The following MTMR10 variants were observed in gnomAD, a reference collection of about 807,000 sequenced individuals.
The protein encoded by MTMR10 is myotubularin related protein 10, also known as myotubularin-related protein 10.
MTMR10 carries 56 observed loss-of-function variants against 88.1 expected under a neutral mutation model. The ratio of observed to expected loss-of-function variants is 0.64; its 90% CI spans 0.51 to 0.79. MTMR10 has a LOEUF of 0.79. Ranked by LOEUF, MTMR10 falls within the 30% of genes least tolerant of loss-of-function variation. The pLI is 0.00. For synonymous variants in MTMR10, 380 were observed against 340.9 expected (o/e 1.11, Z -1.26); for missense variants, 883 against 924.7 (o/e 0.95, Z 0.58).
At chr15:30,987,964 G>A (rs1004250865) in intron 2 of MTMR10, among the ~76,000 whole-genome samples, 1 of 149,942 alleles carries the variant, frequency 6.7e-6, no homozygotes, top group Non-Finnish European at 1.5e-5. Flanking sequence ...TATAGCCACA[G>A]GTGATGTGGC....
At position 30,968,532 on chromosome 15, in the gene MTMR10, A is replaced by C. The variant is rs2063498322; in HGVS notation, c.475-522T>G. Among the ~76,000 whole-genome samples, 3 of 90,968 alleles carry C rather than the reference A, an allele frequency of 3.3e-5. No individual in the cohort carries two copies. The South Asian group carries it at 1.3e-3, about 39-fold the overall frequency. The allele number at this position is 90,968 out of a possible 152,430, so 59.7% of individuals were successfully genotyped here. On this transcript the variant is annotated intron_variant, in intron 5 of 15. Transcript: ENST00000435680. ...TGGCTCAAAGAGGTACATCAAAAAAACAACACACACACACACACACACACA... is the reference window on the plus strand; with the variant it reads ...TGGCTCAAAGAGGTACATCAAAAAACCAACACACACACACACACACACACA...
intron 2 of MTMR10, among the ~76,000 whole-genome samples, chr15:30,990,121 C>T (rs187634407): frequency 1.5e-4 from 23 of 152,112 alleles, no homozygotes; most frequent in Middle Eastern, 3.4e-3. Context: ...AGATTTTTGT[C>T]CCCCAGAGGT....
chr15:30,929,198 C>T, the MTMR10 span: 8 of 1,610,118 alleles, frequency 5.0e-6, no homozygotes, highest in East Asian at 1.6e-4. Context: ...TTCCCTGTGA[C>T]ACAGGCATTC....
chr15:30,924,381 T>A, the MTMR10 span, among the ~76,000 whole-genome samples: 1 of 152,250 alleles, frequency 6.6e-6, no homozygotes. Context: ...GTGGTGATTC[T>A]GTGTTGAGCT....
intron 2 of MTMR10, among the ~76,000 whole-genome samples, chr15:30,986,497 C>A (rs2030946227): frequency 6.6e-6 from 1 of 151,954 alleles, no homozygotes; most frequent in Non-Finnish European, 1.5e-5. Context: ...GAGTTTTTAA[C>A]TTTTTAATTT....
At chr15:30,928,212 G>A in the MTMR10 span, 2 of 1,035,376 alleles carry the variant, frequency 1.9e-6, no homozygotes, top group Non-Finnish European at 2.3e-6. Context: ...TCCCAGCCTT[G>A]GGAACCTGAG....
At chr15:30,942,400 A>T in intron 15 of MTMR10, 1 of 362,302 alleles carries the variant, frequency 2.8e-6, no homozygotes, top group Non-Finnish European at 5.0e-6. Context: ...AACAATGGCA[A>T]ACTGAACAGA....
the MTMR10 span, among the ~76,000 whole-genome samples, chr15:30,923,220 G>T: frequency 6.6e-6 from 1 of 152,206 alleles, no homozygotes; most frequent in African/African-American, 2.4e-5. Context: ...ATCAGGGAAA[G>T]AGCCAGTAAA....
At chr15:30,955,004 T>C (rs2063302106) in intron 9 of MTMR10, 111 bp from the exon 10 acceptor site, 2 of 921,718 alleles carry the variant, frequency 2.2e-6, no homozygotes, top group Admixed American at 3.9e-5. Context: ...GTAAGGTCTC[T>C]GCCTTCATGG....
chr15:30,955,492 A>G (rs186717369), intron 9 of MTMR10, among the ~76,000 whole-genome samples: 51 of 152,208 alleles, frequency 3.4e-4, no homozygotes, highest in South Asian at 8.3e-4. Flanking sequence ...GGCTGGTCTC[A>G]AACTCCTGAC....
At chr15:30,930,536 T>A in the MTMR10 span, 1 of 1,586,610 alleles carries the variant, frequency 6.3e-7, no homozygotes, top group Non-Finnish European at 8.5e-7. Context: ...CTGTGTTTTG[T>A]GTTCAGGATC....
chr15:30,955,343 T>G (rs902982263), intron 9 of MTMR10, among the ~76,000 whole-genome samples: 3 of 152,206 alleles, frequency 2.0e-5, no homozygotes, highest in Non-Finnish European at 4.4e-5. Context: ...CCATCTCGGC[T>G]CACTGCAACC....
intron 13 of MTMR10, among the ~76,000 whole-genome samples, chr15:30,947,898 C>T (rs570188427): frequency 1.3e-5 from 2 of 152,264 alleles, no homozygotes; most frequent in African/African-American, 4.8e-5. Flanking sequence ...ACTAGAGATC[C>T]GAGGCAGCCA....
chr15:30,977,254 G>A (rs2141053967), intron 2 of MTMR10, among the ~76,000 whole-genome samples: 1 of 152,114 alleles, frequency 6.6e-6, no homozygotes, highest in African/African-American at 2.4e-5. Context: ...TTATCTGCTG[G>A]AAGACTTTCT....
At chr15:30,932,712 T>C in the MTMR10 span, among the ~76,000 whole-genome samples, 4 of 93,828 alleles carry the variant, frequency 4.3e-5, no homozygotes, top group East Asian at 3.3e-3. Flanking sequence ...TATTTGTTTC[T>C]TTTCTTTTTT....
At chr15:30,943,178 A>G (rs1027296371) in intron 14 of MTMR10, 106 bp from the exon 15 acceptor site, 1 of 1,444,392 alleles carries the variant, frequency 6.9e-7, no homozygotes, top group African/African-American at 1.4e-5. Context: ...TCTGTACTGC[A>G]GCCCTCAAAA....
rs373501892 is a variant in MTMR10 at position 30,942,304 on chromosome 15, G to C, written c.1732-232C>G. 9 of 588,208 alleles carry C rather than the reference G, an allele frequency of 1.5e-5. No individual in the cohort carries two copies. In the African/African-American group the frequency reaches 1.7e-4, roughly 11 times the overall value. The allele number at this position is 588,208 out of a possible 1,614,324, so 36.4% of individuals were successfully genotyped here. On this transcript the variant is annotated intron_variant, in intron 15 of 15. Transcript: ENST00000435680. ...CTATCAGCCTGAATGGGGGCGGGAT[G>C]AGAGTACCTCCTATCCACTAATTTG...
the MTMR10 span, chr15:30,930,566 C>A: frequency 3.7e-6 from 6 of 1,603,678 alleles, no homozygotes; most frequent in African/African-American, 8.1e-5. Context: ...GCCTGGGGGG[C>A]CCTGTGCTCA....
intron 2 of MTMR10, among the ~76,000 whole-genome samples, chr15:30,981,723 A>T (rs751535924): frequency 3.3e-5 from 5 of 152,040 alleles, no homozygotes; most frequent in Non-Finnish European, 7.4e-5. Context: ...TAATTATAAA[A>T]TTTTTCCTTT....
Sources: gnomAD v4.1 joint callset for allele counts (sites outside exome capture counted in the v4.1 genomes callset) on GRCh38, gnomAD v4.1.1 for gene constraint, MANE v1.5 for transcripts, NCBI Gene and HGNC (gene_info 2026-07-23, HGNC 2026-07-21) for gene names.